The following QRICH1 variants were observed in gnomAD, a reference collection of about 807,000 sequenced individuals.
QRICH1 encodes the protein transcriptional regulator QRICH1.
A neutral mutation model predicts 87.1 loss-of-function variants in QRICH1; 16 were observed. The ratio of observed to expected loss-of-function variants is 0.18; its 90% CI spans 0.12 to 0.28. The LOEUF (loss-of-function observed/expected upper bound fraction) is 0.28. Among genes scored for constraint, QRICH1 ranks in the 10% least tolerant of loss-of-function variants. QRICH1 has a pLI of 1.00. For synonymous variants in QRICH1, 367 were observed against 368.4 expected (o/e 1.00, Z 0.05); for missense variants, 647 against 951.7 (o/e 0.68, Z 4.21).
intron 1 of QRICH1, 89 bp from the exon 2 acceptor site, chr3:49,077,127 T>A: frequency 1.2e-6 from 1 of 843,166 alleles, no homozygotes; most frequent in Non-Finnish European, 1.7e-6. Flanking sequence ...TGGAATATAT[T>A]CAGGGCAGCT....
upstream of QRICH1, chr3:49,094,167 G>T: frequency 2.5e-6 from 1 of 396,024 alleles, no homozygotes; most frequent in Non-Finnish European, 4.5e-6. Context: ...GCTTCAGCAG[G>T]GGAAGGTGGC....
At chr3:49,074,182 C>A (rs2041904319) in intron 2 of QRICH1, among the ~76,000 whole-genome samples, 1 of 152,190 alleles carries the variant, frequency 6.6e-6, no homozygotes, top group Non-Finnish European at 1.5e-5. Flanking sequence ...ATACATCAGC[C>A]TTTCCATTTT....
chr3:49,054,155 A>T (rs2093387758), intron 3 of QRICH1, among the ~76,000 whole-genome samples: 1 of 152,174 alleles, frequency 6.6e-6, no homozygotes, highest in African/African-American at 2.4e-5. Flanking sequence ...CACTAAAATG[A>T]ACTCCAGAAA....
intron 3 of QRICH1, among the ~76,000 whole-genome samples, chr3:49,049,566 T>C (rs1248101190): frequency 1.3e-5 from 2 of 152,034 alleles, no homozygotes; most frequent in Non-Finnish European, 2.9e-5. Context: ...GGCATGATCT[T>C]GGCTCACCAC....
At chr3:49,051,590 C>CA (rs1553742527) in intron 3 of QRICH1, among the ~76,000 whole-genome samples, 1 of 135,976 alleles carries the variant, frequency 7.4e-6, no homozygotes, top group Non-Finnish European at 1.6e-5. Flanking sequence ...CTGCGCCCCC[C>CA]CCCCCCTCCG....
chr3:49,078,102 C>T (rs2041986783), intron 1 of QRICH1, among the ~76,000 whole-genome samples: 2 of 152,072 alleles, frequency 1.3e-5, no homozygotes, highest in South Asian at 2.1e-4. Context: ...AGAAAACAAG[C>T]GAACGTTTTT....
intron 9 of QRICH1, among the ~76,000 whole-genome samples, chr3:49,031,971 C>T (rs1408358760): frequency 2.0e-5 from 3 of 152,130 alleles, no homozygotes; most frequent in East Asian, 3.8e-4. Flanking sequence ...TGTAGGGACC[C>T]GGGACCCCTT....
At chr3:49,066,005 C>T (rs1302622129) in intron 2 of QRICH1, among the ~76,000 whole-genome samples, 1 of 152,058 alleles carries the variant, frequency 6.6e-6, no homozygotes, top group Non-Finnish European at 1.5e-5. Context: ...TCACTTCTGG[C>T]CAGGAATGGT....
At chr3:49,091,422 AAAGT>A (rs1041285201) in intron 1 of QRICH1, among the ~76,000 whole-genome samples, 1 of 152,164 alleles carries the variant, frequency 6.6e-6, no homozygotes, top group Non-Finnish European at 1.5e-5. Context: ...AAGCATATCC[AAAGT>A]AAGGAAAGAC....
At chr3:49,077,631 G>A (rs532030088) in intron 1 of QRICH1, among the ~76,000 whole-genome samples, 1 of 152,268 alleles carries the variant, frequency 6.6e-6, no homozygotes, top group South Asian at 2.1e-4. Context: ...CATGGACTCT[G>A]GAGCCAGGCT....
At chr3:49,090,771 T>A (rs987306811) in intron 1 of QRICH1, among the ~76,000 whole-genome samples, 1 of 152,078 alleles carries the variant, frequency 6.6e-6, no homozygotes, top group Non-Finnish European at 1.5e-5. Flanking sequence ...AAGGAAGAAA[T>A]TAATCTACCA....
At chr3:49,035,718 G>A (rs906377211) in intron 6 of QRICH1, among the ~76,000 whole-genome samples, 1 of 151,994 alleles carries the variant, frequency 6.6e-6, no homozygotes, top group Non-Finnish European at 1.5e-5. Context: ...AGCCCAACAG[G>A]GTGAGGCAGC....
At chr3:49,030,707 C>A in intron 9 of QRICH1, 63 bp from the exon 10 acceptor site, 1 of 1,378,020 alleles carries the variant, frequency 7.3e-7, no homozygotes, top group Non-Finnish European at 9.8e-7. Flanking sequence ...CCACCCTGAA[C>A]TTCCCAGACA....
intron 2 of QRICH1, among the ~76,000 whole-genome samples, chr3:49,069,829 T>C (rs553840867): frequency 1.3e-5 from 2 of 152,156 alleles, no homozygotes; most frequent in South Asian, 4.1e-4. Flanking sequence ...AACTAATGTA[T>C]CTCTAACTTG....
chr3:49,051,237 C>T (rs1207735417), intron 3 of QRICH1, among the ~76,000 whole-genome samples: 3 of 152,298 alleles, frequency 2.0e-5, no homozygotes, highest in African/African-American at 7.2e-5. Flanking sequence ...GTCACATACA[C>T]CTGAAATGAA....
intron 6 of QRICH1, 162 bp from the exon 7 acceptor site, chr3:49,033,390 C>G (rs1376409525): frequency 2.4e-6 from 1 of 416,448 alleles, no homozygotes; most frequent in Non-Finnish European, 4.2e-6. Context: ...TCTTAAAACA[C>G]AGATAGCTGG....
At chr3:49,051,572 A>AC (rs2093370142) in intron 3 of QRICH1, among the ~76,000 whole-genome samples, 1 of 101,774 alleles carries the variant, frequency 9.8e-6, no homozygotes, top group Non-Finnish European at 1.9e-5. Flanking sequence ...TCCAAGCTAG[A>AC]ACCCCCCCTG....
chr3:49,058,518 G>A (rs2093416215), intron 2 of QRICH1, among the ~76,000 whole-genome samples: 1 of 152,096 alleles, frequency 6.6e-6, no homozygotes, highest in Non-Finnish European at 1.5e-5. Context: ...TAGAGACGAG[G>A]TTTCACCATG....
At chr3:49,065,385 A>T (rs559903397) in intron 2 of QRICH1, among the ~76,000 whole-genome samples, 80 of 152,292 alleles carry the variant, frequency 5.3e-4, no homozygotes, top group Non-Finnish European at 1.0e-3. Flanking sequence ...CCTCAAAGTG[A>T]TCTGCCCACC....
Sources: gnomAD v4.1 joint callset for allele counts (sites outside exome capture counted in the v4.1 genomes callset) on GRCh38, gnomAD v4.1.1 for gene constraint, MANE v1.5 for transcripts, NCBI Gene and HGNC (gene_info 2026-07-23, HGNC 2026-07-21) for gene names.